The following PREX1 variants were observed in gnomAD, a reference collection of about 807,000 sequenced individuals.
PREX1 encodes phosphatidylinositol-3,4,5-trisphosphate dependent Rac exchange factor 1, also known as phosphatidylinositol 3,4,5-trisphosphate-dependent Rac exchanger 1 protein.
A neutral mutation model predicts 198.3 loss-of-function variants in PREX1; 41 were observed. That is an observed-to-expected ratio of 0.21 (90% CI 0.16 to 0.27). PREX1 has a LOEUF of 0.27. PREX1 is among the 10% of genes least tolerant of loss of function. The probability of loss-of-function intolerance (pLI) is 1.00; values close to 1 mark genes in which losing one functional copy is unlikely to be tolerated. For synonymous variants in PREX1, 843 were observed against 887.2 expected, an observed-to-expected ratio of 0.95 and a Z score of 0.89; for missense variants, 1,620 against 2,200.7, an observed-to-expected ratio of 0.74 and a Z score of 5.28.
At chr20:48,784,898 T>A (rs117732959) in intron 1 of PREX1, among the ~76,000 whole-genome samples, 1 of 151,868 alleles carries the variant, frequency 6.6e-6, no homozygotes, top group Admixed American at 6.6e-5. Context: ...CTTCCAGATA[T>A]CATTTCTATT....
intron 27 of PREX1, among the ~76,000 whole-genome samples, chr20:48,643,957 G>A (rs914066133): frequency 6.6e-6 from 1 of 152,222 alleles, no homozygotes; most frequent in Non-Finnish European, 1.5e-5. Context: ...GATTACAGGC[G>A]TGAGCCACCA....
At chr20:48,637,664 T>C (rs1267754055) in intron 31 of PREX1, 47 bp downstream of exon 31, 2 of 1,542,194 alleles carry the variant, frequency 1.3e-6, no homozygotes. Context: ...CCTTGGGTGG[T>C]GGAAGAGGCC....
At chr20:48,720,805 C>T (rs1482151306) in intron 5 of PREX1, among the ~76,000 whole-genome samples, 1 of 152,020 alleles carries the variant, frequency 6.6e-6, no homozygotes, top group Non-Finnish European at 1.5e-5. Context: ...CCACTTTCCT[C>T]CCAGCCAAGT....
chr20:48,660,141 G>T, intron 15 of PREX1, 80 bp from the exon 16 acceptor site: 1 of 1,564,674 alleles, frequency 6.4e-7, no homozygotes, highest in Non-Finnish European at 8.7e-7. Context: ...GCAGGCACAG[G>T]CTGGAACTAG....
chr20:48,653,482 G>A lies in PREX1; in HGVS notation c.2225C>T (p.Ala742Val). The change falls in exon 20 of 40, where the codon GCT becomes GTT. Residue 742 changes from alanine (A) to valine (V), a missense_variant. By Grantham distance (64) the Ala-to-Val change is moderately conservative. Around this residue, in one of 7 missense-constraint regions of PREX1, gnomAD observed 514 missense variants for 611.6 expected, o/e 0.84. Coordinates refer to ENST00000371941, the MANE Select transcript of PREX1 (RefSeq NM_020820.4). ...GCACTGACCAGCACAGAGCCCTGCAGCCATGGCCTCAGAGCCTAAGGGGAA... is the reference window on the plus strand; with the variant it reads ...GCACTGACCAGCACAGAGCCCTGCAACCATGGCCTCAGAGCCTAAGGGGAA... ...YAVGRGSEAM[A>V]AGLCAGQCIL... 1 of 1,611,992 alleles carries A rather than the reference G, an allele frequency of 6.2e-7. No individual in the cohort carries two copies. The highest frequency in any genetic ancestry group is 8.5e-7 in the Non-Finnish European group (1 of 1,178,946).
At chr20:48,854,505 G>A in the PREX1 span, among the ~76,000 whole-genome samples, 1 of 152,048 alleles carries the variant, frequency 6.6e-6, no homozygotes, top group Non-Finnish European at 1.5e-5. Context: ...AGACTACAGT[G>A]AGCTATGATT....
At chr20:48,739,983 T>C (rs1312763910) in intron 3 of PREX1, among the ~76,000 whole-genome samples, 2 of 152,172 alleles carry the variant, frequency 1.3e-5, no homozygotes, top group African/African-American at 4.8e-5. Flanking sequence ...GGTGCTAGTT[T>C]ATGATAAACT....
At chr20:48,794,034 C>T (rs78357779) in intron 1 of PREX1, among the ~76,000 whole-genome samples, 1,679 of 152,304 alleles carry the variant, frequency 0.011, 16 homozygotes, top group Non-Finnish European at 0.016. Context: ...AAAGGATCCC[C>T]TCACTCACTA....
At chr20:48,766,067 G>A (rs1568856193) in intron 1 of PREX1, among the ~76,000 whole-genome samples, 1 of 152,142 alleles carries the variant, frequency 6.6e-6, no homozygotes. Flanking sequence ...ATCACCCCCA[G>A]ATGGGACTGT....
Position 48,625,781 on chromosome 20 carries a change from C to A in PREX1, c.*104G>T. ...GCTGGGCAGGTCCCGGAACGGGCGG[C>A]TGCGGAAGCCTTGGGCCATCCCTGG... On this transcript the variant is annotated 3_prime_UTR_variant, in exon 40 of 40. Coordinates refer to ENST00000371941, the MANE Select transcript of PREX1 (RefSeq NM_020820.4). The A allele has an allele frequency of 7.6e-7, 1 of 1,321,404 alleles. No individual in the cohort carries two copies. The allele number at this position is 1,321,404 out of a possible 1,614,324, so 81.9% of individuals were successfully genotyped here. A position where few individuals can be genotyped will look rare whatever the true frequency, so the allele number is the denominator to read the frequency against.
At chr20:48,879,339 A>G in the PREX1 span, among the ~76,000 whole-genome samples, 2 of 152,330 alleles carry the variant, frequency 1.3e-5, no homozygotes, top group African/African-American at 2.4e-5. Context: ...AAACTTATCT[A>G]TAATCAAAGC....
rs1478366599 is a variant in PREX1, at chr20:48,639,831, T to C, written c.3839A>G (p.Glu1280Gly). 5.6e-6 allele frequency: 9 copies of C among 1,613,864 alleles called. No individual in the cohort carries two copies. The highest frequency in any genetic ancestry group is 1.3e-5 in the African/African-American group (1 of 74,904). Residue 1280 changes from glutamate to glycine, a missense_variant, in exon 30 of 40, where the codon GAG becomes GGG. This residue lies in a region of PREX1 where 476 missense variants were observed against 603.4 expected (regional missense o/e 0.79). Transcript: ENST00000371941. ...GRSLIQISIQ[E>G]DPWNLPNSIK... ...GGAGTTGGGGAGGTTCCAGGGGTCC[T>C]CCTGGATGCTAATCTGGATCAGGCT...
rs902169621 is a variant in PREX1, at chr20:48,785,325, G to C, written c.220-37445C>G. On this transcript the variant is annotated intron_variant, in intron 1 of 39. Transcript: ENST00000371941. ...CAAGCCCACAGGAGGTTTACCAGCA[G>C]TGGCTGCCCCGCTCCCACACCTGTG... Among the ~76,000 whole-genome samples, 9 of 152,364 alleles carry C rather than the reference G, an allele frequency of 5.9e-5. No individual in the cohort carries two copies. In the East Asian group the frequency reaches 1.7e-3, roughly 29 times the overall value.
At chr20:48,814,242 C>T (rs1461454172) in intron 1 of PREX1, among the ~76,000 whole-genome samples, 1 of 152,272 alleles carries the variant, frequency 6.6e-6, no homozygotes, top group African/African-American at 2.4e-5. Context: ...CCATTAAGTG[C>T]TAATCACCAG....
rs537022892 is a variant in PREX1 at position 48,706,827 on chromosome 20, C to T, written c.783+1433G>A. ...AGGAATGAGGGGCTTTACTTATTCA[C>T]TGAAGGGGCTAGAGGAGCCAGGAAT... On this transcript the variant is annotated intron_variant, in intron 6 of 39. Transcript: ENST00000371941. Among the ~76,000 whole-genome samples, 32 of 152,314 alleles carry T rather than the reference C, an allele frequency of 2.1e-4. No homozygotes were observed. In the South Asian group the frequency reaches 6.6e-3, roughly 32 times the overall value.
rs768102696 is a variant in PREX1 at position 48,708,441 on chromosome 20, G to C, written c.622-20C>G. 2 of 1,612,550 alleles carry C rather than the reference G, an allele frequency of 1.2e-6. No homozygotes were observed. Among genetic ancestry groups the C allele is most frequent in the South Asian group, 1.1e-5 (1 of 91,038 alleles). Reference sequence around the variant, plus strand: ...CAGCTCCTGGGGTAGAATAGAGGTGGGGAGAAGAAAGCAAGACATCAATCA... The same window carrying C: ...CAGCTCCTGGGGTAGAATAGAGGTGCGGAGAAGAAAGCAAGACATCAATCA... On this transcript the variant is annotated intron_variant, in intron 5 of 39. Coordinates refer to ENST00000371941, the MANE Select transcript of PREX1 (RefSeq NM_020820.4).
At chr20:48,705,141 T>C (rs1442276122) in intron 6 of PREX1, among the ~76,000 whole-genome samples, 1 of 152,238 alleles carries the variant, frequency 6.6e-6, no homozygotes, top group Admixed American at 6.5e-5. Context: ...AAGTGACCCA[T>C]GACGGGGGTA....
chr20:48,727,821 G>A (rs1398412431), intron 4 of PREX1, among the ~76,000 whole-genome samples: 1 of 152,146 alleles, frequency 6.6e-6, no homozygotes, highest in Non-Finnish European at 1.5e-5. Flanking sequence ...AGCCTTCATA[G>A]GTGGCCATTT....
intron 1 of PREX1, among the ~76,000 whole-genome samples, chr20:48,774,797 C>T (rs958903646): frequency 3.9e-5 from 6 of 152,252 alleles, no homozygotes; most frequent in African/African-American, 9.6e-5. Flanking sequence ...CCGGCCCCTC[C>T]GCTGCCCTGG....
Sources: allele counts gnomAD v4.1 joint callset (sites outside exome capture counted in the v4.1 genomes callset), GRCh38; gene constraint gnomAD v4.1.1; regional missense constraint gnomAD v4.1.1; transcripts MANE v1.5; gene names NCBI Gene and HGNC (gene_info 2026-07-23, HGNC 2026-07-21).